Variants in CSMD3 observed in about 807,000 individuals in gnomAD.
The protein encoded by CSMD3 is CUB and Sushi multiple domains 3, also known as CUB and sushi domain-containing protein 3.
Under a neutral mutation model 435.2 loss-of-function variants are expected in CSMD3, and 177 were observed. The ratio of observed to expected loss-of-function variants is 0.41; its 90% CI spans 0.36 to 0.46. The LOEUF is 0.46. Among genes scored for constraint, CSMD3 ranks in the 20% least tolerant of loss-of-function variants. The pLI, the probability that CSMD3 is intolerant of heterozygous loss-of-function variation, is 0.34. For synonymous variants in CSMD3, 1,656 were observed against 1,520.5 expected (o/e 1.09, Z -2.07); for missense variants, 4,265 against 4,504.6 (o/e 0.95, Z 1.52).
chr8:113,347,393 T>C (rs892785219), intron 1 of CSMD3, among the ~76,000 whole-genome samples: 1 of 152,120 alleles, frequency 6.6e-6, no homozygotes, highest in Non-Finnish European at 1.5e-5. Flanking sequence ...CTATTTACTT[T>C]AGAAGGAATA....
At chr8:112,978,740 T>C (rs1168824021) in intron 6 of CSMD3, among the ~76,000 whole-genome samples, 1 of 151,988 alleles carries the variant, frequency 6.6e-6, no homozygotes, top group Non-Finnish European at 1.5e-5. Context: ...GTTTTACTTA[T>C]ATATTGTGTT....
intron 22 of CSMD3, among the ~76,000 whole-genome samples, chr8:112,591,554 A>T (rs1831194341): frequency 6.6e-6 from 1 of 152,118 alleles, no homozygotes; most frequent in South Asian, 2.1e-4. Flanking sequence ...ACTTTTTTAA[A>T]AATGTGCATT....
intron 6 of CSMD3, among the ~76,000 whole-genome samples, chr8:112,992,219 T>G (rs1163360783): frequency 1.3e-5 from 2 of 151,806 alleles, no homozygotes; most frequent in Non-Finnish European, 2.9e-5. Context: ...GCTTGCTCTC[T>G]TGCTTTCTTT....
At chr8:112,753,283 G>T (rs986495594) in intron 13 of CSMD3, among the ~76,000 whole-genome samples, 1 of 152,100 alleles carries the variant, frequency 6.6e-6, no homozygotes, top group Non-Finnish European at 1.5e-5. Context: ...GGTTGGAGAT[G>T]AAAAGAGGAC....
In CSMD3 at chr8:113,154,593, T is replaced by C. The variant is rs370369212; in HGVS notation, c.709+19129A>G. On this transcript the variant is annotated intron_variant, in intron 4 of 70. Transcript: ENST00000297405. ...CTGCCTATGTAAATAAACTCTTGTA[T>C]TCAGGGCAGTAGAAGAATGAATATA... Among the ~76,000 whole-genome samples the C allele has an allele frequency of 5.3e-5, 8 of 152,162 alleles. 1 individual carries two copies. The South Asian group carries it at 8.3e-4, about 16-fold the overall frequency.
intron 30 of CSMD3, among the ~76,000 whole-genome samples, chr8:112,498,107 A>G (rs976966291): frequency 2.0e-5 from 3 of 152,192 alleles, no homozygotes; most frequent in African/African-American, 7.2e-5. Flanking sequence ...TTTATTCTCA[A>G]TGTAATAATA....
chr8:113,182,363 A>G (rs920373883), intron 3 of CSMD3, among the ~76,000 whole-genome samples: 3 of 152,036 alleles, frequency 2.0e-5, no homozygotes, highest in Admixed American at 6.6e-5. Flanking sequence ...AGAGCAGTAT[A>G]TGCAGAATAA....
At chr8:112,306,903 A>G (rs927579675) in intron 50 of CSMD3, among the ~76,000 whole-genome samples, 1 of 152,096 alleles carries the variant, frequency 6.6e-6, no homozygotes, top group Admixed American at 6.6e-5. Context: ...ATAATGTAAA[A>G]TGTTATATTT....
At chr8:113,033,897 C>A (rs894249478) in intron 5 of CSMD3, among the ~76,000 whole-genome samples, 2 of 151,442 alleles carry the variant, frequency 1.3e-5, no homozygotes, top group African/African-American at 2.4e-5. Context: ...TTCCTCCAAG[C>A]TGTTCTCATG....
Position 112,224,506 on chromosome 8 carries a change from T to G in CSMD3, c.*265A>C, listed in dbSNP as rs1812397360. On this transcript the variant is annotated 3_prime_UTR_variant, in exon 71 of 71. Coordinates refer to ENST00000297405, the MANE Select transcript of CSMD3 (RefSeq NM_198123.2). ...CCAATATATGCAAATAAGTTTATAT[T>G]TTAGAATAATCTCCTTTTTAAAAAA... The G allele has an allele frequency of 2.1e-6, 1 of 485,302 alleles. No homozygotes were observed. The highest frequency in any genetic ancestry group is 3.8e-6 in the Non-Finnish European group (1 of 265,720). The allele number at this position is 485,302 out of a possible 1,614,324, so 30.1% of individuals were successfully genotyped here.
At chr8:113,247,378 T>C (rs1320397990) in intron 3 of CSMD3, among the ~76,000 whole-genome samples, 1 of 152,116 alleles carries the variant, frequency 6.6e-6, no homozygotes, top group East Asian at 1.9e-4. Flanking sequence ...CTTCAAAGCT[T>C]GTCTTCCCCT....
At chr8:113,300,264 C>G (rs1297894570) in intron 2 of CSMD3, among the ~76,000 whole-genome samples, 1 of 151,642 alleles carries the variant, frequency 6.6e-6, no homozygotes, top group African/African-American at 2.4e-5. Flanking sequence ...TATGGAAAAC[C>G]ACGTGGAGAT....
At chr8:113,410,853 T>C (rs1475306528) in intron 1 of CSMD3, among the ~76,000 whole-genome samples, 1 of 146,722 alleles carries the variant, frequency 6.8e-6, no homozygotes, top group African/African-American at 2.6e-5. Flanking sequence ...TACAGTGAAC[T>C]ATGATCATGC....
intron 1 of CSMD3, among the ~76,000 whole-genome samples, chr8:113,372,733 A>C (rs1262594552): frequency 6.6e-6 from 1 of 152,128 alleles, no homozygotes; most frequent in Non-Finnish European, 1.5e-5. Flanking sequence ...GGAGATCGAG[A>C]CCATCCTGGC....
chr8:112,825,650 C>T (rs566965184), intron 12 of CSMD3, among the ~76,000 whole-genome samples: 5 of 152,196 alleles, frequency 3.3e-5, no homozygotes, highest in South Asian at 2.1e-4. Context: ...TGGTTCACTC[C>T]GGCACCTGGA....
intron 2 of CSMD3, chr8:113,312,988 G>C (rs1264358805): frequency 6.6e-6 from 1 of 152,136 alleles, no homozygotes; most frequent in East Asian, 1.9e-4. Context: ...TAGTAACCTT[G>C]TTTTTGCACA....
At chr8:112,341,083 A>G (rs1041989424) in intron 42 of CSMD3, among the ~76,000 whole-genome samples, 3 of 152,282 alleles carry the variant, frequency 2.0e-5, no homozygotes, top group Non-Finnish European at 2.9e-5. Context: ...ACTATAAAGT[A>G]AAAGAACATT....
chr8:112,978,409 C>G (rs150013904), intron 6 of CSMD3, among the ~76,000 whole-genome samples: 14 of 151,908 alleles, frequency 9.2e-5, no homozygotes, highest in African/African-American at 3.4e-4. Flanking sequence ...TCTAATCACT[C>G]AAGACCTGCA....
chr8:112,588,328 G>T lies in CSMD3; in HGVS notation c.3716-1093C>A, dbSNP rs144205488. On this transcript the variant is annotated intron_variant, in intron 22 of 70. Transcript: ENST00000297405. ...CAAAAATAAGGCAAAGGAAACAAAA[G>T]CCTAATGAAATAAAAATGATCAAAA... is the stretch of plus-strand genomic sequence containing the variant. 6.5e-3 allele frequency among the ~76,000 whole-genome samples: 985 copies of T among 151,600 alleles called. 16 individuals are homozygous for T. The highest frequency in any genetic ancestry group is 0.023 in the African/African-American group (948 of 41,436).
Sources: gnomAD v4.1 joint callset for allele counts (sites outside exome capture counted in the v4.1 genomes callset) on GRCh38, gnomAD v4.1.1 for gene constraint, MANE v1.5 for transcripts, NCBI Gene and HGNC (gene_info 2026-07-23, HGNC 2026-07-21) for gene names.